UBN2: variants seen among roughly 807,000 people sequenced by gnomAD.
UBN2 encodes ubinuclein-2.
In UBN2, 35 loss-of-function variants were observed where a neutral mutation model predicts 120.2. The observed-to-expected ratio is 0.29, with a 90% CI of 0.22 to 0.39. The LOEUF (loss-of-function observed/expected upper bound fraction) is 0.39. Among genes scored for constraint, UBN2 ranks in the 10% least tolerant of loss-of-function variants. UBN2 has a pLI of 1.00. For missense variants in UBN2, 1,693 were observed against 1,663.2 expected, an observed-to-expected ratio of 1.02 and a Z score of -0.31; for synonymous variants, 661 against 648.7, an observed-to-expected ratio of 1.02 and a Z score of -0.29.
At chr7:139,325,261 CTTTTTTT>C in the UBN2 span, among the ~76,000 whole-genome samples, 3 of 90,850 alleles carry the variant, frequency 3.3e-5, no homozygotes, top group African/African-American at 1.4e-4. Flanking sequence ...GAAATCACTG[CTTTTTTT>C]TTTTTTTTTT....
the UBN2 span, among the ~76,000 whole-genome samples, chr7:139,320,074 T>TC: frequency 1.4e-5 from 2 of 145,786 alleles, no homozygotes; most frequent in African/African-American, 5.1e-5. Flanking sequence ...AGACTCCGTC[T>TC]CAAAAAAAAA....
At chr7:139,319,802 T>C in the UBN2 span, among the ~76,000 whole-genome samples, 1 of 152,094 alleles carries the variant, frequency 6.6e-6, no homozygotes, top group African/African-American at 2.4e-5. Flanking sequence ...CTCAGGCGGG[T>C]GTGGTGGTCC....
chr7:139,293,040 TG>T (rs1798005165), intron 15 of UBN2, among the ~76,000 whole-genome samples, 191 bp from the exon 16 acceptor site: 1 of 152,108 alleles, frequency 6.6e-6, no homozygotes, highest in African/African-American at 2.4e-5. Context: ...AGAGAGTGCG[TG>T]GGTGTTCATG....
chr7:139,317,944 T>A, the UBN2 span, among the ~76,000 whole-genome samples: 1 of 152,226 alleles, frequency 6.6e-6, no homozygotes, highest in African/African-American at 2.4e-5. Context: ...ATTACAGGCA[T>A]GAGCCACCGC....
intron 2 of UBN2, among the ~76,000 whole-genome samples, chr7:139,247,230 A>G (rs1032793058): frequency 1.3e-5 from 2 of 152,176 alleles, no homozygotes; most frequent in African/African-American, 4.8e-5. Flanking sequence ...CTAGTGATGA[A>G]TCAGAGAACA....
At chr7:139,281,708 C>A (rs377467767) in intron 13 of UBN2, among the ~76,000 whole-genome samples, 3 of 152,232 alleles carry the variant, frequency 2.0e-5, no homozygotes. Flanking sequence ...TTTAAAACAG[C>A]AGTTTTATAC....
rs771797343 is a variant in UBN2, at chr7:139,259,368, G to A, written c.903G>A (p.Leu301=). Residue 301 remains leucine (L), a splice_region_variant and synonymous_variant, in exon 5 of 18, where the codon CTG becomes CTA. Transcript: ENST00000473989. ...KKPRKKVPKQ[L]GVVALNSHKS... ...CAAGGAAAAAAGTTCCCAAACAACT[G>A]GGGTACGTTAAATTAAACCTAAGAA... is the stretch of plus-strand genomic sequence containing the variant. 1.5e-5 allele frequency: 25 copies of A among 1,613,260 alleles called. No homozygotes were observed. Among genetic ancestry groups the A allele is most frequent in the Non-Finnish European group, 3.4e-6 (4 of 1,179,814 alleles).
In UBN2 at chr7:139,284,460, G is replaced by T; in HGVS notation, c.3555G>T (p.Arg1185Ser). ...GSNLNSSGAN[R>S]TSLSGGTGSG... ...ACCTTAACTCAAGCGGAGCTAATAG[G>T]ACTAGTCTGTCTGGGGGAACAGGAA... Residue 1185 changes from arginine (R) to serine (S), a missense_variant, in exon 15 of 18, where the codon AGG becomes AGT. Arg to Ser is a moderately radical substitution (Grantham distance 110). This residue lies in a region of UBN2 where 837 missense variants were observed against 817.6 expected (regional missense o/e 1.02). Transcript: ENST00000473989. 1 of 1,614,182 alleles carries T rather than the reference G, an allele frequency of 6.2e-7. No individual in the cohort carries two copies.
At chr7:139,272,188 T>C (rs1052754753) in intron 8 of UBN2, 134 bp from the exon 9 acceptor site, 4 of 619,534 alleles carry the variant, frequency 6.5e-6, no homozygotes, top group African/African-American at 5.5e-5. Context: ...GTAGAAGAAA[T>C]GTCCATATTT....
rs1796023120 is a variant in UBN2, at chr7:139,231,834, AGCAGCCGCC to A, written c.353_361del (p.Gln118_Pro120del). Reference sequence around the variant, plus strand: ...CCGCGGGAGTCGGCTTCCCGGGCTGAGCAGCCGCCGCGGCCGCCGAGGGAGACGGTGCGC... The same window carrying A: ...CCGCGGGAGTCGGCTTCCCGGGCTGAGCGGCCGCCGAGGGAGACGGTGCGC... On this transcript the variant is annotated inframe_deletion, in exon 1 of 18. Coordinates refer to ENST00000473989, the MANE Select transcript of UBN2 (RefSeq NM_173569.4). 16 of 1,527,098 alleles carry A rather than the reference AGCAGCCGCC, an allele frequency of 1.0e-5. No individual in the cohort carries two copies. The highest frequency in any genetic ancestry group is 5.5e-5 in the East Asian group (2 of 36,550). The allele number at this position is 1,527,098 out of a possible 1,614,324, so 94.6% of individuals were successfully genotyped here.
In UBN2 at chr7:139,284,014, C is replaced by T. The variant is rs1046970528; in HGVS notation, c.3109C>T (p.Pro1037Ser). Residue 1037 changes from proline to serine, a missense_variant, in exon 15 of 18, where the codon CCA becomes TCA. By Grantham distance (74) the Pro-to-Ser change is moderately conservative. Transcript: ENST00000473989. ...FKSPFSMAAS[P>S]KLAASPKPAT... is the part of the protein sequence containing the mutation. Reference sequence around the variant, plus strand: ...ATCTCCCTTCTCGATGGCTGCCTCCCCAAAACTTGCCGCATCTCCCAAGCC... The same window carrying T: ...ATCTCCCTTCTCGATGGCTGCCTCCTCAAAACTTGCCGCATCTCCCAAGCC... 1 of 1,614,114 alleles carries T rather than the reference C, an allele frequency of 6.2e-7. No homozygotes were observed. Among genetic ancestry groups the T allele is most frequent in the African/African-American group, 1.3e-5 (1 of 75,030 alleles).
chr7:139,253,060 T>G (rs1276116256), intron 3 of UBN2, among the ~76,000 whole-genome samples: 1 of 152,228 alleles, frequency 6.6e-6, no homozygotes, highest in Non-Finnish European at 1.5e-5. Context: ...ACTAAAAATC[T>G]TCTTGTGTAG....
chr7:139,276,374 G>A (rs1232414997), intron 12 of UBN2: 1 of 505,944 alleles, frequency 2.0e-6, no homozygotes. Flanking sequence ...GATTCTGGTA[G>A]TAGGGAAGCA....
At chr7:139,243,288 A>G (rs1292645940) in intron 2 of UBN2, among the ~76,000 whole-genome samples, 1 of 152,070 alleles carries the variant, frequency 6.6e-6, no homozygotes, top group Non-Finnish European at 1.5e-5. Flanking sequence ...AGCAAAATTC[A>G]AGGGTTTTTT....
chr7:139,288,630 C>T (rs766274003), intron 15 of UBN2, among the ~76,000 whole-genome samples: 1 of 152,048 alleles, frequency 6.6e-6, no homozygotes, highest in Non-Finnish European at 1.5e-5. Context: ...GTCTGATTTG[C>T]ATTTCAAAAG....
chr7:139,258,683 T>A lies in UBN2; in HGVS notation c.801+58T>A, dbSNP rs565617282. Reference sequence around the variant, plus strand: ...AATGTTCAATTAATAGGATTTTTTTTAATGTTACTTGTGTCACACGTGTGA... The same window carrying A: ...AATGTTCAATTAATAGGATTTTTTTAAATGTTACTTGTGTCACACGTGTGA... On this transcript the variant is annotated intron_variant, in intron 4 of 17. Transcript: ENST00000473989. 21 of 1,435,328 alleles carry A rather than the reference T, an allele frequency of 1.5e-5. No individual in the cohort carries two copies. In the African/African-American group the frequency reaches 2.4e-4, roughly 17 times the overall value. 88.9% of individuals were successfully genotyped at this position (1,435,328 alleles called of 1,614,324 possible). A position where few individuals can be genotyped will look rare whatever the true frequency, so the allele number is the denominator to read the frequency against.
chr7:139,239,747 G>A (rs1796265086), intron 2 of UBN2, among the ~76,000 whole-genome samples: 1 of 151,932 alleles, frequency 6.6e-6, no homozygotes. Flanking sequence ...AGTAGAGATA[G>A]GGTTTCACCA....
At position 139,294,118 on chromosome 7, in the gene UBN2, C is replaced by G. The variant is rs1798042361; in HGVS notation, c.3994+137C>G. The G allele has an allele frequency of 1.1e-5, 8 of 750,672 alleles. No individual in the cohort carries two copies. The Middle Eastern group carries it at 7.6e-4, about 71-fold the overall frequency. The allele number at this position is 750,672 out of a possible 1,614,324, so 46.5% of individuals were successfully genotyped here. A position where few individuals can be genotyped will look rare whatever the true frequency, so the allele number is the denominator to read the frequency against. On this transcript the variant is annotated intron_variant, in intron 17 of 17. Coordinates refer to ENST00000473989, the MANE Select transcript of UBN2 (RefSeq NM_173569.4). ...TTTCATAGACTGAATCCTCATTCCT[C>G]ATTAGCAACAGATTCCTTTTAAGAG... is the stretch of plus-strand genomic sequence containing the variant.
At chr7:139,324,700 G>T in the UBN2 span, among the ~76,000 whole-genome samples, 7 of 152,210 alleles carry the variant, frequency 4.6e-5, no homozygotes, top group Non-Finnish European at 5.9e-5. Context: ...GCCGGGCGCG[G>T]TGGCTCACGC....
Sources: gnomAD v4.1 joint callset for allele counts (sites outside exome capture counted in the v4.1 genomes callset) on GRCh38, gnomAD v4.1.1 for gene constraint, gnomAD v4.1.1 regional missense constraint, MANE v1.5 for transcripts, NCBI Gene and HGNC (gene_info 2026-07-23, HGNC 2026-07-21) for gene names.